Variants in CRACDL observed in about 807,000 individuals in gnomAD.
CRACDL encodes CRACD like.
Under a neutral mutation model 70.6 loss-of-function variants are expected in CRACDL, and 26 were observed. The observed-to-expected ratio is 0.37, with a 90% CI of 0.27 to 0.51. The LOEUF is 0.51. Ranked by LOEUF, CRACDL falls within the 20% of genes least tolerant of loss-of-function variation. The probability of loss-of-function intolerance (pLI) is 0.94; values close to 1 mark genes in which losing one functional copy is unlikely to be tolerated. For missense variants in CRACDL, 1,283 were observed against 1,376.9 expected, an observed-to-expected ratio of 0.93 and a Z score of 1.08; for synonymous variants, 618 against 615.2, an observed-to-expected ratio of 1.00 and a Z score of -0.07.
intron 7 of CRACDL, among the ~76,000 whole-genome samples, chr2:98,813,575 T>C (rs1466368889): frequency 2.6e-5 from 4 of 152,088 alleles, no homozygotes; most frequent in Non-Finnish European, 5.9e-5. Flanking sequence ...CAAAATGAAC[T>C]CAAAAGGTGT....
At chr2:98,867,698 T>C (rs1707199853) in intron 1 of CRACDL, among the ~76,000 whole-genome samples, 1 of 152,208 alleles carries the variant, frequency 6.6e-6, no homozygotes, top group African/African-American at 2.4e-5. Flanking sequence ...AAAGAGGCCA[T>C]CTAACTTGGC....
intron 1 of CRACDL, among the ~76,000 whole-genome samples, chr2:98,858,103 T>A (rs1706780012): frequency 6.6e-6 from 1 of 152,234 alleles, no homozygotes; most frequent in Non-Finnish European, 1.5e-5. Flanking sequence ...TGAAAAATTA[T>A]AAAGTCCTTT....
chr2:98,904,027 C>T (rs1708347085), intron 1 of CRACDL, among the ~76,000 whole-genome samples: 1 of 152,182 alleles, frequency 6.6e-6, no homozygotes. Context: ...TGTAAGAGAG[C>T]CCTGAGCCAC....
intron 1 of CRACDL, among the ~76,000 whole-genome samples, chr2:98,848,085 T>C (rs1017171030): frequency 1.3e-5 from 2 of 152,220 alleles, no homozygotes; most frequent in African/African-American, 2.4e-5. Flanking sequence ...ATTTGACTCA[T>C]GATCATGCTA....
chr2:98,853,010 G>C (rs1706543948), intron 1 of CRACDL, among the ~76,000 whole-genome samples: 1 of 131,606 alleles, frequency 7.6e-6, no homozygotes, highest in African/African-American at 2.9e-5. Flanking sequence ...GGGGAGGGGA[G>C]GGGAGGGGAA....
intron 1 of CRACDL, among the ~76,000 whole-genome samples, chr2:98,909,506 C>T (rs187079322): frequency 4.6e-5 from 7 of 152,290 alleles, no homozygotes; most frequent in South Asian, 4.1e-4. Flanking sequence ...CCCAAGCAAC[C>T]GTCGTCAAAC....
intron 7 of CRACDL, among the ~76,000 whole-genome samples, chr2:98,805,037 T>G (rs1308108217): frequency 2.0e-5 from 3 of 152,126 alleles, no homozygotes. Flanking sequence ...AATCTTTCTC[T>G]CCAGTGCATG....
At chr2:98,865,038 A>G (rs78500373) in intron 1 of CRACDL, among the ~76,000 whole-genome samples, 4,505 of 152,320 alleles carry the variant, frequency 0.03, 165 homozygotes, top group South Asian at 0.17. Flanking sequence ...AGGTGCAGGC[A>G]GGAATAGGGG....
At chr2:98,795,724 C>G (rs1308970833) in intron 9 of CRACDL, among the ~76,000 whole-genome samples, 1 of 152,174 alleles carries the variant, frequency 6.6e-6, no homozygotes, top group Admixed American at 6.5e-5. Context: ...GGACCTCTCC[C>G]ACCTGCATAT....
At chr2:98,904,177 G>A (rs1189976343) in intron 1 of CRACDL, among the ~76,000 whole-genome samples, 1 of 152,138 alleles carries the variant, frequency 6.6e-6, no homozygotes, top group Admixed American at 6.5e-5. Context: ...CAGTGTGATC[G>A]AGGGGCCCAC....
intron 1 of CRACDL, among the ~76,000 whole-genome samples, chr2:98,898,352 C>T (rs148046838): frequency 1.3e-5 from 2 of 152,230 alleles, no homozygotes; most frequent in African/African-American, 4.8e-5. Flanking sequence ...AAGACATGCC[C>T]ACAGTAAAAG....
At chr2:98,853,578 T>C (rs528482657) in intron 1 of CRACDL, among the ~76,000 whole-genome samples, 4 of 152,300 alleles carry the variant, frequency 2.6e-5, no homozygotes, top group South Asian at 2.1e-4. Flanking sequence ...TTGAAAGCTA[T>C]AGAAAGAATG....
At chr2:98,843,191 A>T (rs1706111557) in intron 2 of CRACDL, among the ~76,000 whole-genome samples, 1 of 152,078 alleles carries the variant, frequency 6.6e-6, no homozygotes, top group Admixed American at 6.5e-5. Context: ...CATTTTGTAC[A>T]TCTTCTTAGG....
intron 5 of CRACDL, among the ~76,000 whole-genome samples, chr2:98,831,731 C>T (rs748359198): frequency 1.5e-4 from 23 of 152,304 alleles, no homozygotes; most frequent in South Asian, 6.2e-4. Flanking sequence ...AGAAAGAGCT[C>T]GTGCTCTTTT....
At chr2:98,831,490 G>A (rs1388128173) in intron 5 of CRACDL, among the ~76,000 whole-genome samples, 2 of 152,196 alleles carry the variant, frequency 1.3e-5, no homozygotes, top group African/African-American at 4.8e-5. Context: ...AGGGGAAGGT[G>A]TGTGGCTATA....
rs1422526556 is a variant in CRACDL, at chr2:98,793,853, G to T, written c.*679C>A. 6.6e-6 allele frequency: 1 copy of T among 152,664 alleles called. No homozygotes were observed. The highest frequency in any genetic ancestry group is 1.5e-5 in the Non-Finnish European group (1 of 68,044). 9.5% of individuals were successfully genotyped at this position (152,664 alleles called of 1,614,324 possible). A position where few individuals can be genotyped will look rare whatever the true frequency, so the allele number is the denominator to read the frequency against. Reference sequence around the variant, plus strand: ...TTACACTTAGAACAGAGGCATGTTTGAAACCTTTTATTAAACAGGCAATGC... The same window carrying T: ...TTACACTTAGAACAGAGGCATGTTTTAAACCTTTTATTAAACAGGCAATGC... On this transcript the variant is annotated 3_prime_UTR_variant, in exon 10 of 10. Transcript: ENST00000397899.
chr2:98,914,113 C>A (rs916999478), intron 1 of CRACDL, among the ~76,000 whole-genome samples: 1 of 152,226 alleles, frequency 6.6e-6, no homozygotes, highest in East Asian at 1.9e-4. Flanking sequence ...TGCCCATGCC[C>A]CTCTCATGAC....
intron 5 of CRACDL, among the ~76,000 whole-genome samples, chr2:98,827,655 G>T (rs1705365647): frequency 6.6e-6 from 1 of 152,198 alleles, no homozygotes; most frequent in Non-Finnish European, 1.5e-5. Context: ...GTAAATGGCT[G>T]GGAGTTTAAA....
At chr2:98,894,042 A>G (rs1430503690) in intron 1 of CRACDL, among the ~76,000 whole-genome samples, 1 of 152,148 alleles carries the variant, frequency 6.6e-6, no homozygotes, top group Non-Finnish European at 1.5e-5. Context: ...TCCTCTCAAC[A>G]GGGCCCAGAG....
Sources: allele counts gnomAD v4.1 joint callset (sites outside exome capture counted in the v4.1 genomes callset), GRCh38; gene constraint gnomAD v4.1.1; transcripts MANE v1.5; gene names NCBI Gene and HGNC (gene_info 2026-07-23, HGNC 2026-07-21).